The following PDE7B variants were observed in gnomAD, a reference collection of about 807,000 sequenced individuals.
The protein encoded by PDE7B is 3',5'-cyclic-AMP phosphodiesterase 7B.
In PDE7B, 29 loss-of-function variants were observed where a neutral mutation model predicts 56.2. The ratio of observed to expected loss-of-function variants is 0.52; its 90% CI spans 0.38 to 0.70. The LOEUF is 0.70. Ranked by LOEUF, PDE7B falls within the 30% of genes least tolerant of loss-of-function variation. PDE7B has a pLI of 0.00. For synonymous variants in PDE7B, 197 were observed against 196.9 expected (o/e 1.00, Z 0.00); for missense variants, 490 against 565.0 (o/e 0.87, Z 1.35).
At chr6:135,934,353 C>T (rs1460987145) in intron 1 of PDE7B, among the ~76,000 whole-genome samples, 1 of 151,910 alleles carries the variant, frequency 6.6e-6, no homozygotes, top group Admixed American at 6.6e-5. Flanking sequence ...GTACTCTGAC[C>T]AAGGAGATTT....
chr6:136,002,586 G>C (rs1299034142), intron 2 of PDE7B, among the ~76,000 whole-genome samples: 1 of 152,110 alleles, frequency 6.6e-6, no homozygotes, highest in Admixed American at 6.5e-5. Context: ...AACCAACAAA[G>C]ATCAAAAGAG....
chr6:135,955,085 A>G (rs1774765955), intron 2 of PDE7B, among the ~76,000 whole-genome samples: 1 of 152,168 alleles, frequency 6.6e-6, no homozygotes, highest in Non-Finnish European at 1.5e-5. Flanking sequence ...TATCAGCCTT[A>G]CACAAAGCTA....
chr6:136,084,124 C>G (rs1032636725), intron 2 of PDE7B, among the ~76,000 whole-genome samples: 1 of 152,076 alleles, frequency 6.6e-6, no homozygotes, highest in African/African-American at 2.4e-5. Flanking sequence ...GAAATCATTT[C>G]GATCATTTCA....
intron 3 of PDE7B, among the ~76,000 whole-genome samples, chr6:136,141,331 G>T (rs1375513420): frequency 6.6e-6 from 1 of 152,140 alleles, no homozygotes; most frequent in Non-Finnish European, 1.5e-5. Context: ...TGATCATGGT[G>T]GATAAGCTTT....
intron 3 of PDE7B, among the ~76,000 whole-genome samples, chr6:136,144,954 AC>A (rs1393549762): frequency 6.6e-6 from 1 of 152,092 alleles, no homozygotes; most frequent in Non-Finnish European, 1.5e-5. Flanking sequence ...ACTAAAAACT[AC>A]CCATTTTTTT....
intron 1 of PDE7B, among the ~76,000 whole-genome samples, chr6:135,928,019 C>A (rs1296694951): frequency 1.3e-5 from 2 of 151,776 alleles, no homozygotes; most frequent in Non-Finnish European, 2.9e-5. Context: ...ATGCAGCCAG[C>A]AAATATATGA....
intron 11 of PDE7B, among the ~76,000 whole-genome samples, chr6:136,183,619 G>GAAAA (rs367881738): frequency 7.1e-6 from 1 of 140,370 alleles, no homozygotes; most frequent in South Asian, 2.3e-4. Context: ...AAAAGAAAAA[G>GAAAA]AAAAAAAAAA....
intron 2 of PDE7B, among the ~76,000 whole-genome samples, chr6:135,998,772 A>G (rs1775612966): frequency 7.0e-6 from 1 of 143,206 alleles, no homozygotes; most frequent in African/African-American, 2.5e-5. Flanking sequence ...AAAAAAAATA[A>G]AAAATAAACA....
At chr6:136,144,117 A>C (rs1415467744) in intron 3 of PDE7B, among the ~76,000 whole-genome samples, 1 of 152,112 alleles carries the variant, frequency 6.6e-6, no homozygotes, top group South Asian at 2.1e-4. Context: ...ATTTCATTCT[A>C]TATAGAGCTA....
At chr6:136,052,978 T>G (rs945262478) in intron 2 of PDE7B, among the ~76,000 whole-genome samples, 4 of 152,176 alleles carry the variant, frequency 2.6e-5, no homozygotes, top group African/African-American at 9.7e-5. Context: ...TCCCATTGGC[T>G]CCACTGAATG....
chr6:136,167,661 A>G (rs1328689913), intron 8 of PDE7B, among the ~76,000 whole-genome samples: 1 of 152,114 alleles, frequency 6.6e-6, no homozygotes, highest in Non-Finnish European at 1.5e-5. Context: ...CTCTACCACC[A>G]CTAGTTTCTT....
intron 3 of PDE7B, among the ~76,000 whole-genome samples, chr6:136,127,761 T>C (rs548592955): frequency 6.6e-6 from 1 of 152,222 alleles, no homozygotes; most frequent in African/African-American, 2.4e-5. Flanking sequence ...AACAGCACAG[T>C]TTTAAAAGCA....
At chr6:136,130,079 C>T (rs1370982009) in intron 3 of PDE7B, among the ~76,000 whole-genome samples, 3 of 152,092 alleles carry the variant, frequency 2.0e-5, no homozygotes, top group Non-Finnish European at 2.9e-5. Flanking sequence ...TTTCCATAGT[C>T]GTAAGAATAA....
At chr6:135,987,628 C>T (rs1377388932) in intron 2 of PDE7B, among the ~76,000 whole-genome samples, 1 of 152,048 alleles carries the variant, frequency 6.6e-6, no homozygotes, top group Non-Finnish European at 1.5e-5. Context: ...AGAGTGTGCT[C>T]GTGATCACAC....
At chr6:136,144,924 T>C (rs530846401) in intron 3 of PDE7B, among the ~76,000 whole-genome samples, 1 of 152,270 alleles carries the variant, frequency 6.6e-6, no homozygotes, top group South Asian at 2.1e-4. Flanking sequence ...GGGAAGATGA[T>C]GCCCCCTCCA....
At chr6:136,017,497 C>A (rs1399178889) in intron 2 of PDE7B, among the ~76,000 whole-genome samples, 1 of 135,610 alleles carries the variant, frequency 7.4e-6, no homozygotes, top group Middle Eastern at 3.7e-3. Context: ...CCCCTCCCCC[C>A]ACCCCACGAC....
At chr6:136,144,916 G>A (rs1391011627) in intron 3 of PDE7B, among the ~76,000 whole-genome samples, 1 of 152,092 alleles carries the variant, frequency 6.6e-6, no homozygotes, top group Non-Finnish European at 1.5e-5. Flanking sequence ...GTTACTTAGG[G>A]AAGATGATGC....
intron 2 of PDE7B, among the ~76,000 whole-genome samples, chr6:136,004,411 T>C (rs1056512606): frequency 6.6e-6 from 1 of 152,100 alleles, no homozygotes; most frequent in African/African-American, 2.4e-5. Flanking sequence ...GGAAGTCAAA[T>C]TGTCCCTGTT....
chr6:136,124,597 G>A (rs1777990696), intron 3 of PDE7B, among the ~76,000 whole-genome samples: 1 of 152,098 alleles, frequency 6.6e-6, no homozygotes, highest in Non-Finnish European at 1.5e-5. Context: ...TAGGACTAAT[G>A]GAAATCAAAT....
Sources: gnomAD v4.1 joint callset for allele counts (sites outside exome capture counted in the v4.1 genomes callset) on GRCh38, gnomAD v4.1.1 for gene constraint, MANE v1.5 for transcripts, NCBI Gene and HGNC (gene_info 2026-07-23, HGNC 2026-07-21) for gene names.